The following B3GALT1 variants were observed in gnomAD, a reference collection of about 807,000 sequenced individuals.
B3GALT1 encodes beta-1,3-galactosyltransferase 1.
B3GALT1 carries 10 observed loss-of-function variants against 23.2 expected under a neutral mutation model. The observed-to-expected ratio is 0.43, with a 90% CI of 0.27 to 0.73. The LOEUF is 0.73. Ranked by LOEUF, B3GALT1 falls within the 30% of genes least tolerant of loss-of-function variation. The pLI is 0.21. For missense variants in B3GALT1, 299 were observed against 405.4 expected, an observed-to-expected ratio of 0.74 and a Z score of 2.25; for synonymous variants, 156 against 141.5, an observed-to-expected ratio of 1.10 and a Z score of -0.73.
chr2:167,508,270 T>C (rs1181793216), intron 2 of B3GALT1, among the ~76,000 whole-genome samples: 1 of 150,320 alleles, frequency 6.7e-6, no homozygotes, highest in Non-Finnish European at 1.5e-5. Context: ...TTTTTTTTTT[T>C]TTTTTCAGAC....
intron 1 of B3GALT1, among the ~76,000 whole-genome samples, chr2:167,466,587 T>C (rs1574091453): frequency 8.4e-6 from 1 of 118,818 alleles, no homozygotes; most frequent in Non-Finnish European, 1.7e-5. Flanking sequence ...GCCACTGCAC[T>C]CCAGCCTGGG....
chr2:167,842,055 T>C (rs1689662222), intron 4 of B3GALT1, among the ~76,000 whole-genome samples: 1 of 152,200 alleles, frequency 6.6e-6, no homozygotes, highest in South Asian at 2.1e-4. Context: ...TAAAATGTAT[T>C]CCCTGAACTG....
At chr2:167,351,689 A>C (rs906710748) in intron 1 of B3GALT1, among the ~76,000 whole-genome samples, 1 of 152,238 alleles carries the variant, frequency 6.6e-6, no homozygotes, top group Non-Finnish European at 1.5e-5. Context: ...AAAGAAAATA[A>C]GATGGAATTT....
At chr2:167,461,714 C>A (rs555446205) in intron 1 of B3GALT1, among the ~76,000 whole-genome samples, 1 of 152,048 alleles carries the variant, frequency 6.6e-6, no homozygotes, top group Admixed American at 6.6e-5. Flanking sequence ...TAGCTAAATT[C>A]TTTTCTATTT....
At chr2:167,514,658 TTTTG>T (rs1700075619) in intron 2 of B3GALT1, among the ~76,000 whole-genome samples, 1 of 152,330 alleles carries the variant, frequency 6.6e-6, no homozygotes, top group African/African-American at 2.4e-5. Flanking sequence ...CAGTTTTAGT[TTTTG>T]TTTGTCATCA....
At chr2:167,709,861 C>T (rs1007692450) in intron 3 of B3GALT1, among the ~76,000 whole-genome samples, 4 of 152,012 alleles carry the variant, frequency 2.6e-5, no homozygotes, top group Non-Finnish European at 5.9e-5. Context: ...GACAAATATT[C>T]CTACAACTTC....
rs570251636 is a variant in B3GALT1 at position 167,764,035 on chromosome 2, C to T, written c.-351-54637C>T. On this transcript the variant is annotated intron_variant, in intron 3 of 4. Coordinates refer to ENST00000392690, the MANE Select transcript of B3GALT1 (RefSeq NM_020981.4). ...TATATAGGTCTCAAATTTTTAAGTG[C>T]TATAGGAAGTGGTAGAGTGCATTTA... Among the ~76,000 whole-genome samples, 4 of 152,262 alleles carry T rather than the reference C, an allele frequency of 2.6e-5. No homozygotes were observed. In the East Asian group the frequency reaches 7.7e-4, roughly 29 times the overall value.
chr2:167,496,744 A>G (rs1699789120), intron 2 of B3GALT1, among the ~76,000 whole-genome samples: 1 of 152,202 alleles, frequency 6.6e-6, no homozygotes. Flanking sequence ...TGAAGTCATG[A>G]AGGTAGAACC....
chr2:167,620,623 T>C (rs548111404), intron 2 of B3GALT1, among the ~76,000 whole-genome samples: 6 of 152,222 alleles, frequency 3.9e-5, no homozygotes, highest in African/African-American at 1.4e-4. Flanking sequence ...ACTTTCACAG[T>C]CACAGAGTGG....
Position 167,867,787 on chromosome 2 carries a change from A to G in B3GALT1, c.-229-1024A>G, listed in dbSNP as rs571172849. On this transcript the variant is annotated intron_variant, in intron 4 of 4. Transcript: ENST00000392690. ...GAGACAGGAAGAAACAATTTTTTACATGAATGGACTTCATAACCAGGCATA... is the reference window on the plus strand; with the variant it reads ...GAGACAGGAAGAAACAATTTTTTACGTGAATGGACTTCATAACCAGGCATA... 3.3e-5 allele frequency among the ~76,000 whole-genome samples: 5 copies of G among 152,340 alleles called. No individual in the cohort carries two copies. The South Asian group carries it at 1.0e-3, about 32-fold the overall frequency.
intron 1 of B3GALT1, among the ~76,000 whole-genome samples, chr2:167,446,362 G>C (rs1465889287): frequency 6.6e-6 from 1 of 152,116 alleles, no homozygotes; most frequent in Non-Finnish European, 1.5e-5. Flanking sequence ...TCTTCTCGAG[G>C]AGTATCTTTG....
At chr2:167,607,560 C>T (rs1022098307) in intron 2 of B3GALT1, among the ~76,000 whole-genome samples, 12 of 152,108 alleles carry the variant, frequency 7.9e-5, no homozygotes, top group Admixed American at 7.2e-4. Flanking sequence ...CGTGCATACA[C>T]GCAGGCAGGA....
Position 167,638,037 on chromosome 2 carries a change from T to G in B3GALT1, c.-409-8872T>G, listed in dbSNP as rs115198455. ...CCTTTGTCAACATTTGGCAAGTATT[T>G]GTCATGCACAGAACACTATATAATA... On this transcript the variant is annotated intron_variant, in intron 2 of 4. Transcript: ENST00000392690. Among the ~76,000 whole-genome samples the G allele has an allele frequency of 3.2e-3, 491 of 152,104 alleles. 1 individual carries two copies. Among genetic ancestry groups the G allele is most frequent in the African/African-American group, 0.011 (463 of 41,514 alleles).
chr2:167,454,250 C>T (rs752189092), intron 1 of B3GALT1, among the ~76,000 whole-genome samples: 21 of 151,894 alleles, frequency 1.4e-4, no homozygotes, highest in Admixed American at 1.0e-3. Context: ...TATGTGTGCA[C>T]GTGCACGTAA....
intron 1 of B3GALT1, among the ~76,000 whole-genome samples, chr2:167,435,177 C>A (rs1455807793): frequency 6.6e-6 from 1 of 151,854 alleles, no homozygotes; most frequent in Non-Finnish European, 1.5e-5. Flanking sequence ...AAGATACATA[C>A]ATTTTTTAGG....
chr2:167,651,393 G>A (rs1265969401), intron 3 of B3GALT1, among the ~76,000 whole-genome samples: 1 of 152,012 alleles, frequency 6.6e-6, no homozygotes. Context: ...CCCCAAAACT[G>A]TCTTCTGATA....
intron 2 of B3GALT1, among the ~76,000 whole-genome samples, chr2:167,610,139 T>C (rs1685034623): frequency 6.6e-6 from 1 of 152,146 alleles, no homozygotes; most frequent in African/African-American, 2.4e-5. Context: ...TGTTAACTCA[T>C]GATTTAGGAT....
chr2:167,712,034 AT>A (rs915337954), intron 3 of B3GALT1, among the ~76,000 whole-genome samples: 10 of 152,074 alleles, frequency 6.6e-5, no homozygotes, highest in East Asian at 1.9e-4. Context: ...TAGTGTATAG[AT>A]TTTTTTTCCC....
chr2:167,611,264 A>G (rs1018909605), intron 2 of B3GALT1, among the ~76,000 whole-genome samples: 8 of 152,138 alleles, frequency 5.3e-5, no homozygotes, highest in Non-Finnish European at 8.8e-5. Context: ...CATATTGCCT[A>G]TGTAGAATAA....
Sources: allele counts gnomAD v4.1 joint callset (sites outside exome capture counted in the v4.1 genomes callset), GRCh38; gene constraint gnomAD v4.1.1; transcripts MANE v1.5; gene names NCBI Gene and HGNC (gene_info 2026-07-23, HGNC 2026-07-21).